The following NOX4 variants were observed in gnomAD, a reference collection of about 807,000 sequenced individuals.
The protein encoded by NOX4 is kidney oxidase-1.
A neutral mutation model predicts 87.6 loss-of-function variants in NOX4; 69 were observed. The observed-to-expected ratio is 0.79, with a 90% CI of 0.65 to 0.96. The LOEUF is 0.96. Among genes scored for constraint, NOX4 ranks in the 40% least tolerant of loss-of-function variants. The pLI, the probability that NOX4 is intolerant of heterozygous loss-of-function variation, is 0.00. For missense variants in NOX4, 680 were observed against 681.5 expected, an observed-to-expected ratio of 1.00 and a Z score of 0.02; for synonymous variants, 275 against 238.2, an observed-to-expected ratio of 1.15 and a Z score of -1.42.
the NOX4 span, among the ~76,000 whole-genome samples, chr11:89,540,680 C>T: frequency 8.6e-5 from 13 of 150,726 alleles, no homozygotes; most frequent in East Asian, 1.6e-3. Flanking sequence ...CCCAGCTACT[C>T]GGGAGGCTGA....
At chr11:89,334,258 T>C (rs1945605645) in intron 17 of NOX4, among the ~76,000 whole-genome samples, 1 of 151,670 alleles carries the variant, frequency 6.6e-6, no homozygotes, top group Admixed American at 6.6e-5. Context: ...AGATGGGTGA[T>C]ACTGGAGAAA....
intron 2 of NOX4, among the ~76,000 whole-genome samples, chr11:89,466,134 C>T (rs1945682816): frequency 6.6e-6 from 1 of 152,112 alleles, no homozygotes; most frequent in African/African-American, 2.4e-5. Flanking sequence ...TTGCACTTCC[C>T]AAGCAACAGA....
At chr11:89,409,060 C>T (rs1031420873) in intron 8 of NOX4, among the ~76,000 whole-genome samples, 3 of 151,444 alleles carry the variant, frequency 2.0e-5, no homozygotes, top group African/African-American at 2.4e-5. Context: ...CTGTACTTCA[C>T]GGGTATAAAA....
chr11:89,428,869 T>C (rs1460607794), intron 7 of NOX4, among the ~76,000 whole-genome samples: 5 of 152,174 alleles, frequency 3.3e-5, no homozygotes, highest in African/African-American at 9.6e-5. Flanking sequence ...GCGGACCTAA[T>C]AGACACCTAC....
chr11:89,401,565 G>A (rs1941857575), intron 9 of NOX4, among the ~76,000 whole-genome samples: 1 of 151,860 alleles, frequency 6.6e-6, no homozygotes, highest in Admixed American at 6.6e-5. Flanking sequence ...CTTTTTATAG[G>A]TGAGGAATAA....
chr11:89,345,637 A>G (rs1946184605), intron 13 of NOX4, among the ~76,000 whole-genome samples: 1 of 152,158 alleles, frequency 6.6e-6, no homozygotes, highest in Non-Finnish European at 1.5e-5. Flanking sequence ...CTTCATGTCT[A>G]CGTGTACCCA....
intron 3 of NOX4, 87 bp downstream of exon 3, chr11:89,451,698 C>CTGG (rs1944968761): frequency 1.1e-6 from 1 of 882,676 alleles, no homozygotes; most frequent in East Asian, 2.6e-5. Flanking sequence ...AGTCAAAAGT[C>CTGG]AGACTATGAA....
chr11:89,424,345 T>C (rs1457052471), intron 7 of NOX4, among the ~76,000 whole-genome samples: 1 of 151,220 alleles, frequency 6.6e-6, no homozygotes, highest in African/African-American at 2.4e-5. Context: ...CGTAATTCTC[T>C]TGGATTCTCT....
intron 12 of NOX4, among the ~76,000 whole-genome samples, chr11:89,367,728 T>C (rs1939113961): frequency 6.6e-6 from 1 of 152,026 alleles, no homozygotes; most frequent in Admixed American, 6.6e-5. Context: ...TTGATTTCAG[T>C]TCCTGTTTAA....
Position 89,410,362 on chromosome 11 carries a change from T to C in NOX4, c.630-7820A>G, listed in dbSNP as rs143144430. 2.5e-3 allele frequency among the ~76,000 whole-genome samples: 378 copies of C among 152,158 alleles called. 1 individual carries two copies. The highest frequency in any genetic ancestry group is 8.6e-3 in the African/African-American group (359 of 41,522). ...GTAATGCCTTGATACTTGAGGAAAATTGGAAGAGCCTAGAAGGACAACACA... is the reference window on the plus strand; with the variant it reads ...GTAATGCCTTGATACTTGAGGAAAACTGGAAGAGCCTAGAAGGACAACACA... On this transcript the variant is annotated intron_variant, in intron 8 of 17. Transcript: ENST00000263317.
the NOX4 span, among the ~76,000 whole-genome samples, chr11:89,546,880 C>A: frequency 0.38 from 57,825 of 152,022 alleles, 11,291 homozygotes; most frequent in African/African-American, 0.46. Flanking sequence ...CAAGGTCTCA[C>A]CTCTCAACAT....
At chr11:89,481,531 G>A (rs1946391278) in intron 2 of NOX4, among the ~76,000 whole-genome samples, 1 of 152,002 alleles carries the variant, frequency 6.6e-6, no homozygotes, top group Non-Finnish European at 1.5e-5. Context: ...CACAAAGGGA[G>A]AGAAATGCTT....
intron 2 of NOX4, among the ~76,000 whole-genome samples, chr11:89,471,410 A>G (rs1945934602): frequency 1.3e-5 from 2 of 152,204 alleles, no homozygotes; most frequent in African/African-American, 2.4e-5. Flanking sequence ...AGACAGATAC[A>G]TGAACAAAAA....
chr11:89,351,242 C>T (rs1316645467), intron 13 of NOX4, among the ~76,000 whole-genome samples: 1 of 152,184 alleles, frequency 6.6e-6, no homozygotes, highest in Non-Finnish European at 1.5e-5. Context: ...AAGGCCTTAA[C>T]TCTCTTCTAT....
chr11:89,367,776 A>C (rs1245779327), intron 12 of NOX4, among the ~76,000 whole-genome samples: 2 of 152,018 alleles, frequency 1.3e-5, no homozygotes, highest in African/African-American at 4.8e-5. Flanking sequence ...TTGGGAAACG[A>C]CCAAGTTTCA....
chr11:89,494,194 C>T (rs939341821), upstream of NOX4, among the ~76,000 whole-genome samples: 1 of 152,128 alleles, frequency 6.6e-6, no homozygotes, highest in Non-Finnish European at 1.5e-5. Flanking sequence ...CAGGAACAGA[C>T]TTTACAATAA....
the NOX4 span, chr11:89,533,580 A>G: frequency 6.6e-6 from 1 of 152,320 alleles, no homozygotes; most frequent in South Asian, 2.1e-4. Flanking sequence ...TTTGCTTCAC[A>G]TGCATTTTGA....
chr11:89,411,740 A>G (rs1376795706), intron 8 of NOX4, among the ~76,000 whole-genome samples: 1 of 152,164 alleles, frequency 6.6e-6, no homozygotes, highest in Non-Finnish European at 1.5e-5. Context: ...GGAAGACAGG[A>G]TGGAAGGAAA....
the NOX4 span, among the ~76,000 whole-genome samples, chr11:89,561,185 T>C: frequency 6.7e-6 from 1 of 148,936 alleles, no homozygotes; most frequent in Non-Finnish European, 1.5e-5. Context: ...ATCCATAGTA[T>C]CTCTTATGGT....
Sources: allele counts gnomAD v4.1 joint callset (sites outside exome capture counted in the v4.1 genomes callset), GRCh38; gene constraint gnomAD v4.1.1; transcripts MANE v1.5; gene names NCBI Gene and HGNC (gene_info 2026-07-23, HGNC 2026-07-21).